The following GUCY1A2 variants were observed in gnomAD, a reference collection of about 807,000 sequenced individuals.
The protein encoded by GUCY1A2 is guanylate cyclase 1 soluble subunit alpha 2.
Under a neutral mutation model 63.5 loss-of-function variants are expected in GUCY1A2, and 27 were observed. That is an observed-to-expected ratio of 0.43 (90% CI 0.31 to 0.59). GUCY1A2 has a LOEUF of 0.59. GUCY1A2 is among the 20% of genes least tolerant of loss of function. The probability of loss-of-function intolerance (pLI) is 0.11; values close to 1 mark genes in which losing one functional copy is unlikely to be tolerated. For synonymous variants in GUCY1A2, 364 were observed against 343.5 expected (o/e 1.06, Z -0.66); for missense variants, 768 against 913.3 (o/e 0.84, Z 2.05).
At chr11:106,780,698 G>T (rs1159093903) in intron 5 of GUCY1A2, among the ~76,000 whole-genome samples, 3 of 152,152 alleles carry the variant, frequency 2.0e-5, no homozygotes, top group African/African-American at 7.2e-5. Flanking sequence ...AAACTACCTT[G>T]TGTACTGCAT....
At chr11:106,782,948 A>G (rs1375100493) in intron 5 of GUCY1A2, among the ~76,000 whole-genome samples, 1 of 152,176 alleles carries the variant, frequency 6.6e-6, no homozygotes, top group East Asian at 1.9e-4. Flanking sequence ...GGGTGGCTGA[A>G]GTGAACTCTT....
intron 1 of GUCY1A2, among the ~76,000 whole-genome samples, chr11:106,997,627 CCCA>C (rs1369547001): frequency 7.9e-6 from 1 of 126,678 alleles, no homozygotes; most frequent in Middle Eastern, 3.7e-3. Flanking sequence ...ACCCCCCCCC[CCCA>C]CCCGAGCAAG....
chr11:106,774,434 AC>A, intron 6 of GUCY1A2, among the ~76,000 whole-genome samples: 1 of 151,994 alleles, frequency 6.6e-6, no homozygotes, highest in Admixed American at 6.6e-5. Flanking sequence ...CCAGGCTGTC[AC>A]TTTTATAATT....
chr11:106,813,173 T>C lies in GUCY1A2; in HGVS notation c.1207-2695A>G, dbSNP rs143480784. Among the ~76,000 whole-genome samples, 4 of 152,094 alleles carry C rather than the reference T, an allele frequency of 2.6e-5. No homozygotes were observed. The East Asian group carries it at 5.8e-4, about 22-fold the overall frequency. ...AGGTTTTATTGCATCTTACATCATATTGAAGTTTCAATGAGATAGCACAGA... is the reference window on the plus strand; with the variant it reads ...AGGTTTTATTGCATCTTACATCATACTGAAGTTTCAATGAGATAGCACAGA... On this transcript the variant is annotated intron_variant, in intron 4 of 7. Coordinates refer to ENST00000526355, the MANE Select transcript of GUCY1A2 (RefSeq NM_000855.3).
In GUCY1A2 at chr11:106,829,826, C is replaced by T. The variant is rs137969350; in HGVS notation, c.1207-19348G>A. Among the ~76,000 whole-genome samples, 12 of 152,182 alleles carry T rather than the reference C, an allele frequency of 7.9e-5. No individual in the cohort carries two copies. The East Asian group carries it at 1.9e-3, about 25-fold the overall frequency. On this transcript the variant is annotated intron_variant, in intron 4 of 7. Transcript: ENST00000526355. Reference sequence around the variant, plus strand: ...CTTTTAGTATTACCATGCCCTGTGACGTGATTAAGGTCAATGGGAAACTAG... The same window carrying T: ...CTTTTAGTATTACCATGCCCTGTGATGTGATTAAGGTCAATGGGAAACTAG...
rs1862480732 is a variant in GUCY1A2, at chr11:106,684,177, T to TTGAAG, written c.*3367_*3371dup. ...AGTGCAAGACTGTAAGAAACAACATTTGAAGTGCTGAACCTACAGACCCAC... is the reference window on the plus strand; with the variant it reads ...AGTGCAAGACTGTAAGAAACAACATTTGAAGTGAAGTGCTGAACCTACAGACCCAC... On this transcript the variant is annotated 3_prime_UTR_variant, in exon 8 of 8. Transcript: ENST00000526355. 1.1e-5 allele frequency: 2 copies of TTGAAG among 184,436 alleles called. No individual in the cohort carries two copies. The allele number at this position is 184,436 out of a possible 1,614,324, so 11.4% of individuals were successfully genotyped here.
chr11:106,875,848 T>C (rs1859741601), intron 4 of GUCY1A2, among the ~76,000 whole-genome samples: 1 of 152,064 alleles, frequency 6.6e-6, no homozygotes, highest in African/African-American at 2.4e-5. Context: ...TTTTATCTAT[T>C]ATGCATGCAG....
At chr11:106,701,287 G>A (rs1862813452) in intron 7 of GUCY1A2, among the ~76,000 whole-genome samples, 1 of 151,786 alleles carries the variant, frequency 6.6e-6, no homozygotes, top group Non-Finnish European at 1.5e-5. Context: ...ATATACTCAT[G>A]TTCATTTCAG....
chr11:106,796,209 ATGAGATGGG>A (rs2135415449), intron 5 of GUCY1A2, among the ~76,000 whole-genome samples: 1 of 152,246 alleles, frequency 6.6e-6, no homozygotes, highest in African/African-American at 2.4e-5. Context: ...GTCTCTGCAC[ATGAGATGGG>A]TCTCCTGAAT....
intron 5 of GUCY1A2, 84 bp from the exon 6 acceptor site, chr11:106,776,666 G>T: frequency 7.7e-7 from 1 of 1,305,444 alleles, no homozygotes; most frequent in Non-Finnish European, 1.1e-6. Flanking sequence ...CACAAATGTT[G>T]CTGAAAAACA....
Position 106,907,000 on chromosome 11 carries a change from G to A in GUCY1A2, c.1206+32460C>T, listed in dbSNP as rs1412479534. 5.3e-5 allele frequency among the ~76,000 whole-genome samples: 8 copies of A among 152,072 alleles called. 1 individual carries two copies. The South Asian group carries it at 1.7e-3, about 32-fold the overall frequency. On this transcript the variant is annotated intron_variant, in intron 4 of 7. Coordinates refer to ENST00000526355, the MANE Select transcript of GUCY1A2 (RefSeq NM_000855.3). ...ACTTAATATAGATGACAGGTTGATG[G>A]GTGCAGCAAACCACCATGGCACGTG...
At chr11:106,892,557 A>G (rs934134530) in intron 4 of GUCY1A2, among the ~76,000 whole-genome samples, 2 of 152,138 alleles carry the variant, frequency 1.3e-5, no homozygotes, top group Non-Finnish European at 2.9e-5. Flanking sequence ...CTTACAACTT[A>G]TATCAAGTTA....
intron 4 of GUCY1A2, among the ~76,000 whole-genome samples, chr11:106,866,390 A>G (rs911112083): frequency 2.0e-5 from 3 of 152,064 alleles, no homozygotes; most frequent in Non-Finnish European, 2.9e-5. Context: ...TTGTCATTTA[A>G]TGACTTCAAT....
intron 6 of GUCY1A2, among the ~76,000 whole-genome samples, chr11:106,730,213 A>G (rs1249577513): frequency 6.6e-6 from 1 of 151,172 alleles, no homozygotes; most frequent in Middle Eastern, 3.2e-3. Context: ...AGATAATTTC[A>G]TCACCCAGGT....
At chr11:106,767,114 G>A (rs1013741400) in intron 6 of GUCY1A2, among the ~76,000 whole-genome samples, 12 of 151,980 alleles carry the variant, frequency 7.9e-5, no homozygotes, top group African/African-American at 2.9e-4. Flanking sequence ...TAGTCTTAGT[G>A]GGACACTGGA....
chr11:106,957,532 G>A (rs1043706391), intron 3 of GUCY1A2, among the ~76,000 whole-genome samples: 30 of 151,860 alleles, frequency 2.0e-4, no homozygotes, highest in Non-Finnish European at 3.7e-4. Context: ...GCTTGGGGAA[G>A]GGGCTTCCCC....
In GUCY1A2 at chr11:106,686,247, G is replaced by T. The variant is rs1250740312; in HGVS notation, c.*1302C>A. ...ATGCAGTATTGATTAATGAGAACAG[G>T]TCTTCATTTGAGCAGGACATGCGAT... On this transcript the variant is annotated 3_prime_UTR_variant, in exon 8 of 8. Coordinates refer to ENST00000526355, the MANE Select transcript of GUCY1A2 (RefSeq NM_000855.3). The T allele has an allele frequency of 9.2e-6, 2 of 218,112 alleles. No homozygotes were observed. The highest frequency in any genetic ancestry group is 1.8e-5 in the Non-Finnish European group (2 of 108,652). 13.5% of individuals were successfully genotyped at this position (218,112 alleles called of 1,614,324 possible).
chr11:106,843,877 T>C (rs1859234939), intron 4 of GUCY1A2, among the ~76,000 whole-genome samples: 1 of 151,858 alleles, frequency 6.6e-6, no homozygotes, highest in Non-Finnish European at 1.5e-5. Context: ...AAATCTCCTA[T>C]TTATTATGAC....
At chr11:106,806,754 A>G (rs933404259) in intron 5 of GUCY1A2, among the ~76,000 whole-genome samples, 2 of 152,158 alleles carry the variant, frequency 1.3e-5, no homozygotes, top group Admixed American at 6.5e-5. Flanking sequence ...AAGCATTGGA[A>G]AGGCTTTCAT....
Sources: allele counts gnomAD v4.1 joint callset (sites outside exome capture counted in the v4.1 genomes callset), GRCh38; gene constraint gnomAD v4.1.1; transcripts MANE v1.5; gene names NCBI Gene and HGNC (gene_info 2026-07-23, HGNC 2026-07-21).